Variants in GSE1 observed in about 807,000 individuals in gnomAD.
GSE1 encodes Gse1 coiled-coil protein.
In GSE1, 32 loss-of-function variants were observed where a neutral mutation model predicts 112.6. The ratio of observed to expected loss-of-function variants is 0.28; its 90% CI spans 0.21 to 0.38. The LOEUF is 0.38. Ranked by LOEUF, GSE1 falls within the 10% of genes least tolerant of loss-of-function variation. GSE1 has a pLI of 1.00. For missense variants in GSE1, 2,348 were observed against 1,699.2 expected (o/e 1.38, Z -6.71); for synonymous variants, 1,115 against 735.6 (o/e 1.52, Z -8.35).
intron 1 of GSE1, among the ~76,000 whole-genome samples, chr16:85,314,077 CA>C (rs1201213335): frequency 1.3e-5 from 2 of 150,962 alleles, no homozygotes; most frequent in Non-Finnish European, 3.0e-5. Flanking sequence ...AAGACATAGC[CA>C]TTTGTATGTG....
chr16:85,228,618 C>T (rs903445582), intron 1 of GSE1, among the ~76,000 whole-genome samples: 2 of 152,222 alleles, frequency 1.3e-5, no homozygotes, highest in African/African-American at 2.4e-5. Flanking sequence ...AGTACAGTCC[C>T]TGCCTGCAGT....
At chr16:85,574,259 T>C (rs1026420647) in intron 1 of GSE1, among the ~76,000 whole-genome samples, 21 of 152,328 alleles carry the variant, frequency 1.4e-4, no homozygotes, top group African/African-American at 4.6e-4. Context: ...AGAATGCTTT[T>C]CCTCTGCTCT....
intron 2 of GSE1, among the ~76,000 whole-genome samples, chr16:85,645,676 C>G (rs894924641): frequency 1.3e-5 from 2 of 152,250 alleles, no homozygotes; most frequent in Non-Finnish European, 1.5e-5. Flanking sequence ...CGTGCCCACT[C>G]CGGACACAGT....
At chr16:85,339,242 G>A (rs2046571408) in intron 1 of GSE1, among the ~76,000 whole-genome samples, 1 of 152,176 alleles carries the variant, frequency 6.6e-6, no homozygotes, top group African/African-American at 2.4e-5. Context: ...CTGTTCTAGA[G>A]TCCACCTGGG....
chr16:85,634,932 C>T (rs7499587), intron 2 of GSE1, among the ~76,000 whole-genome samples: 86 of 151,936 alleles, frequency 5.7e-4, no homozygotes, highest in South Asian at 2.5e-3. Context: ...CGGACACCCT[C>T]TGGACTCGCT....
chr16:85,258,797 T>C (rs1215579735), intron 1 of GSE1, among the ~76,000 whole-genome samples: 1 of 152,326 alleles, frequency 6.6e-6, no homozygotes, highest in East Asian at 1.9e-4. Context: ...AAGGGAGCTG[T>C]GGCGGTTTAG....
chr16:85,500,185 C>T (rs2051313220), intron 2 of GSE1, among the ~76,000 whole-genome samples: 1 of 152,210 alleles, frequency 6.6e-6, no homozygotes, highest in South Asian at 2.1e-4. Flanking sequence ...GAGCGAGGCC[C>T]GCTCAGTCTG....
At chr16:85,299,913 G>A (rs2151458511) in intron 1 of GSE1, among the ~76,000 whole-genome samples, 1 of 148,054 alleles carries the variant, frequency 6.8e-6, no homozygotes, top group African/African-American at 2.5e-5. Context: ...TCCAGCCTGG[G>A]TGACAGAGTG....
intron 1 of GSE1, among the ~76,000 whole-genome samples, chr16:85,263,485 T>C (rs912172579): frequency 6.6e-6 from 1 of 152,066 alleles, no homozygotes; most frequent in Non-Finnish European, 1.5e-5. Flanking sequence ...TAGGCCCAAA[T>C]GGACTTGGCT....
At chr16:85,565,702 C>G (rs1598204913) in intron 1 of GSE1, among the ~76,000 whole-genome samples, 1 of 152,284 alleles carries the variant, frequency 6.6e-6, no homozygotes, top group South Asian at 2.1e-4. Context: ...ACAGGCCTGA[C>G]CCCTTCACCT....
At chr16:85,267,099 G>T (rs1370155544) in intron 1 of GSE1, among the ~76,000 whole-genome samples, 4 of 152,208 alleles carry the variant, frequency 2.6e-5, no homozygotes, top group Non-Finnish European at 2.9e-5. Context: ...AAAATTGGAA[G>T]AAATTGCACG....
At chr16:85,256,659 CCCACCAGCTCAG>C (rs1907115466) in intron 1 of GSE1, among the ~76,000 whole-genome samples, 1 of 152,280 alleles carries the variant, frequency 6.6e-6, no homozygotes, top group East Asian at 1.9e-4. Context: ...CCTGAACACA[CCCACCAGCTCAG>C]ACCCCATGTC....
intron 2 of GSE1, among the ~76,000 whole-genome samples, chr16:85,519,559 T>TTTTAGTCTCCACC (rs1567555809): frequency 0.86 from 8,005 of 9,272 alleles, 3,498 homozygotes; most frequent in Middle Eastern, 0.94. Context: ...CCACCATCAC[T>TTTTAGTCTCCACC]ATCATCATCA....
chr16:85,625,264 C>T lies in GSE1; in HGVS notation c.8-8650C>T, dbSNP rs577222345. Among the ~76,000 whole-genome samples the T allele has an allele frequency of 1.1e-4, 16 of 152,360 alleles. No individual in the cohort carries two copies. The East Asian group carries it at 2.7e-3, about 26-fold the overall frequency. On this transcript the variant is annotated intron_variant, in intron 1 of 15. Coordinates refer to ENST00000253458, the MANE Select transcript of GSE1 (RefSeq NM_014615.5). The stretch of plus-strand genomic sequence containing the variant: ...ACACAGCAGCCGCTTAGGATAATCG[C>T]GTCAAATGTTGCTGCCATCTGTTGC...
intron 1 of GSE1, among the ~76,000 whole-genome samples, chr16:85,185,867 G>C (rs2074689226): frequency 6.6e-6 from 1 of 152,226 alleles, no homozygotes; most frequent in Non-Finnish European, 1.5e-5. Flanking sequence ...GCGGGGGCTG[G>C]GAGGGCCGTT....
At chr16:85,582,465 C>T (rs781119649) in intron 1 of GSE1, among the ~76,000 whole-genome samples, 28 of 152,246 alleles carry the variant, frequency 1.8e-4, no homozygotes, top group Admixed American at 2.6e-4. Context: ...GGCCAGAGCC[C>T]GGTCACTTGG....
chr16:85,669,114 C>A (rs2053121308), intron 14 of GSE1, among the ~76,000 whole-genome samples: 1 of 152,262 alleles, frequency 6.6e-6, no homozygotes, highest in African/African-American at 2.4e-5. Context: ...GTATACTGCA[C>A]ACCACCTTCT....
rs538745886 is a variant in GSE1, at chr16:85,578,084, G to A, written c.37+21721G>A. Among the ~76,000 whole-genome samples the A allele has an allele frequency of 1.3e-3, 197 of 152,334 alleles. 2 individuals are homozygous for A. The highest frequency in any genetic ancestry group is 4.3e-3 in the African/African-American group (178 of 41,556). ...CTGCTGAAAGGCCTGCAGTTCTTCCGTTGAATTCCGGCCCCTCCCAGCTCT... is the reference window on the plus strand; with the variant it reads ...CTGCTGAAAGGCCTGCAGTTCTTCCATTGAATTCCGGCCCCTCCCAGCTCT... On this transcript the variant is annotated intron_variant, in intron 1 of 2. Coordinates refer to the GSE1 transcript ENST00000635906.
At chr16:85,255,620 G>C (rs1366085702) in intron 1 of GSE1, among the ~76,000 whole-genome samples, 3 of 151,896 alleles carry the variant, frequency 2.0e-5, no homozygotes, top group Non-Finnish European at 4.4e-5. Context: ...GGCAAGGCTG[G>C]TGTCGAACTC....
Sources: allele counts gnomAD v4.1 joint callset (sites outside exome capture counted in the v4.1 genomes callset), GRCh38; gene constraint gnomAD v4.1.1; transcripts MANE v1.5; gene names NCBI Gene and HGNC (gene_info 2026-07-23, HGNC 2026-07-21).